The following SLCO4A1 variants were observed in gnomAD, a reference collection of about 807,000 sequenced individuals.
The protein encoded by SLCO4A1 is solute carrier organic anion transporter family member 4A1, also known as colon organic anion transporter.
A neutral mutation model predicts 64.6 loss-of-function variants in SLCO4A1; 51 were observed. The ratio of observed to expected loss-of-function variants is 0.79; its 90% confidence interval spans 0.63 to 1.00. The LOEUF is 1.00. SLCO4A1 is among the 50% of genes least tolerant of loss of function. SLCO4A1 has a pLI of 0.00. For missense variants in SLCO4A1, 919 were observed against 980.5 expected, an observed-to-expected ratio of 0.94 and a Z score of 0.84; for synonymous variants, 471 against 444.9, an observed-to-expected ratio of 1.06 and a Z score of -0.74.
rs1207719799 is a variant in SLCO4A1, at chr20:62,672,257, CTG to C, written c.*367_*368del. 1 of 1,185,568 alleles carries C rather than the reference CTG, an allele frequency of 8.4e-7. No individual in the cohort carries two copies. Among genetic ancestry groups the C allele is most frequent in the Non-Finnish European group, 1.1e-6 (1 of 948,504 alleles). The allele number at this position is 1,185,568 out of a possible 1,614,324, so 73.4% of individuals were successfully genotyped here. ...AAGGCTTGTGTGTCCTCAGTTAAAACTGTGCATATCGAAATATATTTTGTTAT... is the reference window on the plus strand; with the variant it reads ...AAGGCTTGTGTGTCCTCAGTTAAAACTGCATATCGAAATATATTTTGTTAT... On this transcript the variant is annotated 3_prime_UTR_variant, in exon 12 of 12. Transcript: ENST00000217159.
At chr20:62,673,296 G>A (rs1987414223), downstream of SLCO4A1, among the ~76,000 whole-genome samples, 1 of 143,050 alleles carries the variant, frequency 7.0e-6, no homozygotes, top group South Asian at 2.2e-4. Flanking sequence ...TGGGGAGCCA[G>A]GGAAGTGGAT....
intron 2 of SLCO4A1, among the ~76,000 whole-genome samples, chr20:62,681,062 G>A (rs1248199289): frequency 1.3e-5 from 2 of 152,130 alleles, no homozygotes; most frequent in Non-Finnish European, 2.9e-5. Context: ...ATAGGCACAA[G>A]TCACCACGCC....
chr20:62,650,446 G>A (rs1982255894), intron 1 of SLCO4A1: 1 of 152,250 alleles, frequency 6.6e-6, no homozygotes, highest in African/African-American at 2.4e-5. Context: ...TATCCATAAT[G>A]GGCCTGAGAC....
intron 2 of SLCO4A1, among the ~76,000 whole-genome samples, chr20:62,682,541 CAG>C (rs531414785): frequency 5.3e-5 from 8 of 152,280 alleles, no homozygotes; most frequent in Admixed American, 2.0e-4. Flanking sequence ...GCTCTCCACT[CAG>C]GGGGATAGTG....
chr20:62,660,348 G>A, intron 3 of SLCO4A1, 64 bp from the exon 4 acceptor site: 1 of 1,567,816 alleles, frequency 6.4e-7, no homozygotes, highest in Non-Finnish European at 8.6e-7. Context: ...AGCCCCCAGT[G>A]TGTGTGCCAT....
At chr20:62,671,667 G>A in intron 11 of SLCO4A1, 83 bp from the exon 12 acceptor site, 4 of 1,336,628 alleles carry the variant, frequency 3.0e-6, no homozygotes, top group Non-Finnish European at 4.2e-6. Context: ...GCTGGGGCAG[G>A]GACAGGACTG....
chr20:62,669,581 T>C (rs1395180227), intron 11 of SLCO4A1, among the ~76,000 whole-genome samples: 4 of 152,216 alleles, frequency 2.6e-5, no homozygotes, highest in Admixed American at 2.6e-4. Flanking sequence ...ACAGAAACTT[T>C]CTGTTGTGAC....
In SLCO4A1 at chr20:62,661,040, C is replaced by CCCAGCCG. The variant is rs775160921; in HGVS notation, c.1010-23_1010-22insCAGCCGC. 1.4e-6 allele frequency: 2 copies of CCCAGCCG among 1,395,920 alleles called. No individual in the cohort carries two copies. The highest frequency in any genetic ancestry group is 2.0e-6 in the Non-Finnish European group (2 of 984,524). 86.5% of individuals were successfully genotyped at this position (1,395,920 alleles called of 1,614,324 possible). A position where few individuals can be genotyped will look rare whatever the true frequency, so the allele number is the denominator to read the frequency against. ...CTCCGGGAGCCCCCAGCCCCCAGCCCCAGCTCACTCTGTGCCCTTCCAGGC... is the reference window on the plus strand; with the variant it reads ...CTCCGGGAGCCCCCAGCCCCCAGCCCCCAGCCGCAGCTCACTCTGTGCCCTTCCAGGC... On this transcript the variant is annotated intron_variant, in intron 4 of 11. Coordinates refer to ENST00000217159, the MANE Select transcript of SLCO4A1 (RefSeq NM_016354.4). This position sits in a 1 kb window ranked among gnomAD's most constrained non-coding sequence, Gnocchi z 5.2.
chr20:62,660,497 GC>G lies in SLCO4A1; in HGVS notation c.975del (p.Val326PhefsTer19). On this transcript the variant is annotated frameshift_variant, in exon 4 of 12. Transcript: ENST00000217159. LOFTEE classifies it high-confidence loss of function. ...CTCTGGGGCCGCTGCTTTCTTCACC[GC>G]CGTTCCCATCCTTGGTTACCCTCGG... is the stretch of plus-strand genomic sequence containing the variant. ...LGSGAAAFFT[A>X]VPILGYPRQL... 6.2e-7 allele frequency: 1 copy of G among 1,605,450 alleles called. No homozygotes were observed. The highest frequency in any genetic ancestry group is 8.5e-7 in the Non-Finnish European group (1 of 1,179,926).
intron 1 of SLCO4A1, among the ~76,000 whole-genome samples, chr20:62,647,970 C>T (rs905160427): frequency 6.6e-6 from 1 of 152,258 alleles, no homozygotes; most frequent in Non-Finnish European, 1.5e-5. Context: ...ATGAGGAAAT[C>T]GGAAGAGAAC....
intron 7 of SLCO4A1, 196 bp downstream of exon 7, chr20:62,666,771 G>C: frequency 1.7e-6 from 1 of 601,452 alleles, no homozygotes; most frequent in Non-Finnish European, 3.0e-6. Context: ...CCAGCCCCCA[G>C]CAGTGCCTGC....
chr20:62,671,774 A>G lies in SLCO4A1; in HGVS notation c.2050A>G (p.Ile684Val), dbSNP rs1464101165. ...YKVLGVLFFA[I>V]ACFLYKPLSE... Reference sequence around the variant, plus strand: ...GGTGCTGGGCGTCCTCTTCTTTGCCATAGCCTGCTTCTTATACAAGCCCCT... The same window carrying G: ...GGTGCTGGGCGTCCTCTTCTTTGCCGTAGCCTGCTTCTTATACAAGCCCCT... The change falls in exon 12 of 12, where the codon ATA (isoleucine) becomes GTA (valine). Residue 684 changes from isoleucine (I) to valine (V), a missense_variant. Coordinates refer to ENST00000217159, the MANE Select transcript of SLCO4A1 (RefSeq NM_016354.4). 11 of 1,613,582 alleles carry G rather than the reference A, an allele frequency of 6.8e-6. No homozygotes were observed. Among genetic ancestry groups the G allele is most frequent in the Admixed American group, 1.7e-5 (1 of 60,012 alleles).
At chr20:62,643,078 G>A (rs1185476026) in intron 1 of SLCO4A1, 1 of 468,782 alleles carries the variant, frequency 2.1e-6, no homozygotes, top group South Asian at 1.6e-5. Flanking sequence ...CTCGGGGGCG[G>A]CCGGGCTTTG....
intron 1 of SLCO4A1, among the ~76,000 whole-genome samples, chr20:62,646,107 C>T (rs1981276766): frequency 6.6e-6 from 1 of 152,180 alleles, no homozygotes; most frequent in African/African-American, 2.4e-5. Context: ...GCCTCTCAAG[C>T]TCCCCGAGGG....
intron 7 of SLCO4A1, among the ~76,000 whole-genome samples, chr20:62,667,047 C>T (rs1046092174): frequency 5.9e-5 from 9 of 152,180 alleles, no homozygotes; most frequent in African/African-American, 1.9e-4. Context: ...CTGCGGGCCC[C>T]GGGAGTGCAC....
rs886421647 is a variant in SLCO4A1, at chr20:62,660,278, G to A, written c.888-134G>A. The A allele has an allele frequency of 1.2e-5, 12 of 981,564 alleles. No homozygotes were observed. The Admixed American group carries it at 3.1e-4, about 26-fold the overall frequency. The allele number at this position is 981,564 out of a possible 1,614,324, so 60.8% of individuals were successfully genotyped here. A position where few individuals can be genotyped will look rare whatever the true frequency, so the allele number is the denominator to read the frequency against. Reference sequence around the variant, plus strand: ...CAGGACCTGTGGCCAGCAGCACCAGGGGCCTGTGTTGACCAGCGTGCAGAC... The same window carrying A: ...CAGGACCTGTGGCCAGCAGCACCAGAGGCCTGTGTTGACCAGCGTGCAGAC... On this transcript the variant is annotated intron_variant, in intron 3 of 11. Transcript: ENST00000217159.
Position 62,671,911 on chromosome 20 carries a change from C to G in SLCO4A1, c.*18C>G, listed in dbSNP as rs371894059. ...GCGTCTGACCACCGCCCGCGCCCAC[C>G]CGGCCACGGCGGGCACTCAGCATTT... On this transcript the variant is annotated 3_prime_UTR_variant, in exon 12 of 12. Transcript: ENST00000217159. The G allele has an allele frequency of 6.2e-7, 1 of 1,608,168 alleles. No homozygotes were observed. The highest frequency in any genetic ancestry group is 1.1e-5 in the South Asian group (1 of 91,090).
At chr20:62,652,419 G>A (rs3908923) in intron 1 of SLCO4A1, among the ~76,000 whole-genome samples, 55,752 of 152,050 alleles carry the variant, frequency 0.37, 11,717 homozygotes, top group Non-Finnish European at 0.49. Flanking sequence ...TTCGGCGGCC[G>A]GCGGCCGGTG....
chr20:62,668,651 T>G, intron 10 of SLCO4A1, 110 bp downstream of exon 10: 1 of 1,098,012 alleles, frequency 9.1e-7, no homozygotes, highest in Non-Finnish European at 1.4e-6. Flanking sequence ...CAGGAGGCTG[T>G]TCCCGCCTGG....
Sources: allele counts gnomAD v4.1 joint callset (sites outside exome capture counted in the v4.1 genomes callset), GRCh38; gene constraint gnomAD v4.1.1; non-coding constraint Gnocchi (gnomAD v3.1); transcripts MANE v1.5; gene names NCBI Gene and HGNC (gene_info 2026-07-23, HGNC 2026-07-21).